The following PINX1 variants were observed in gnomAD, a reference collection of about 807,000 sequenced individuals.
The protein encoded by PINX1 is PIN2 (TERF1) interacting telomerase inhibitor 1, also known as PIN2/TERF1-interacting telomerase inhibitor 1.
In PINX1, 34 loss-of-function variants were observed where a neutral mutation model predicts 25.4. The observed-to-expected ratio is 1.34, with a 90% CI of 1.02 to 1.78. The LOEUF (loss-of-function observed/expected upper bound fraction) is 1.78. Ranked by LOEUF, PINX1 falls within the 40% of genes most tolerant of loss-of-function variation. The pLI is 0.00. For missense variants in PINX1, 592 were observed against 404.9 expected, an observed-to-expected ratio of 1.46 and a Z score of -3.97; for synonymous variants, 197 against 147.7, an observed-to-expected ratio of 1.33 and a Z score of -2.42.
intron 6 of PINX1, among the ~76,000 whole-genome samples, chr8:10,783,062 G>T (rs941545715): frequency 1.3e-5 from 2 of 152,148 alleles, no homozygotes; most frequent in African/African-American, 4.8e-5. Context: ...AGACTCCATA[G>T]ATTGCAAGAA....
chr8:10,766,759 A>G (rs746164152), intron 6 of PINX1, among the ~76,000 whole-genome samples: 3 of 152,242 alleles, frequency 2.0e-5, no homozygotes, highest in Non-Finnish European at 2.9e-5. Context: ...AATATCTGCT[A>G]TAAGAAAAAA....
chr8:10,778,675 G>A (rs1486685629), intron 6 of PINX1, among the ~76,000 whole-genome samples: 1 of 152,088 alleles, frequency 6.6e-6, no homozygotes, highest in East Asian at 1.9e-4. Flanking sequence ...CTTCAGAATG[G>A]CCCACATTTA....
chr8:10,826,523 G>C (rs747670298), intron 4 of PINX1, among the ~76,000 whole-genome samples: 2 of 152,210 alleles, frequency 1.3e-5, no homozygotes, highest in Non-Finnish European at 2.9e-5. Context: ...GGAAACTTGT[G>C]TTCACACAAA....
At chr8:10,811,378 C>G (rs1258582950) in intron 6 of PINX1, among the ~76,000 whole-genome samples, 1 of 152,172 alleles carries the variant, frequency 6.6e-6, no homozygotes, top group Non-Finnish European at 1.5e-5. Flanking sequence ...TCTACTGGCT[C>G]AGATGGTTCT....
At chr8:10,830,169 C>A (rs1186620987) in intron 4 of PINX1, among the ~76,000 whole-genome samples, 4 of 152,022 alleles carry the variant, frequency 2.6e-5, no homozygotes, top group Non-Finnish European at 5.9e-5. Flanking sequence ...AAATTATTGC[C>A]CTTCATATTA....
chr8:10,826,549 T>C (rs946320604), intron 4 of PINX1, among the ~76,000 whole-genome samples: 1 of 152,218 alleles, frequency 6.6e-6, no homozygotes, highest in Admixed American at 6.5e-5. Context: ...GACACAAATG[T>C]TCACATTAGC....
Position 10,826,384 on chromosome 8 carries a change from C to T in PINX1, c.302-140G>A, listed in dbSNP as rs1286210209. The T allele has an allele frequency of 9.0e-6, 5 of 552,992 alleles. No homozygotes were observed. In the East Asian group the frequency reaches 1.5e-4, roughly 17 times the overall value. 34.3% of individuals were successfully genotyped at this position (552,992 alleles called of 1,614,324 possible). ...ACTCTTTCATTCATTTGCTCTGCAA[C>T]AGCACCCTTCTGCTGGATCTCTGTT... On this transcript the variant is annotated intron_variant, in intron 4 of 6. Coordinates refer to ENST00000314787, the MANE Select transcript of PINX1 (RefSeq NM_017884.6).
chr8:10,814,877 C>T lies in PINX1; in HGVS notation c.471+5316G>A, dbSNP rs369902668. Among the ~76,000 whole-genome samples the T allele has an allele frequency of 1.1e-4, 16 of 152,306 alleles. 1 individual carries two copies. In the South Asian group the frequency reaches 3.1e-3, roughly 30 times the overall value. The stretch of plus-strand genomic sequence containing the variant: ...GAACAAAAATCCTCTCTAAGGTGTT[C>T]GCTAGCCAGTGTATGCCACAAATGA... On this transcript the variant is annotated intron_variant, in intron 6 of 6. Coordinates refer to ENST00000314787, the MANE Select transcript of PINX1 (RefSeq NM_017884.6).
intron 4 of PINX1, among the ~76,000 whole-genome samples, chr8:10,831,061 C>T (rs1798213303): frequency 6.6e-6 from 1 of 152,226 alleles, no homozygotes; most frequent in African/African-American, 2.4e-5. Context: ...TCCACCAACA[C>T]ATGAACTGGG....
chr8:10,798,001 A>T (rs544825727), intron 6 of PINX1, among the ~76,000 whole-genome samples: 1 of 152,366 alleles, frequency 6.6e-6, no homozygotes, highest in East Asian at 1.9e-4. Flanking sequence ...AAGTATTCTT[A>T]AAGAAAATAA....
chr8:10,821,126 T>C (rs1296159787), intron 5 of PINX1, among the ~76,000 whole-genome samples: 2 of 152,258 alleles, frequency 1.3e-5, no homozygotes, highest in African/African-American at 2.4e-5. Flanking sequence ...CTTGAGGCTC[T>C]GGGCGAGGGA....
chr8:10,800,801 T>C (rs1301169837), intron 6 of PINX1, among the ~76,000 whole-genome samples: 1 of 152,210 alleles, frequency 6.6e-6, no homozygotes, highest in South Asian at 2.1e-4. Context: ...AATGTTACAC[T>C]AGCCCCAAAT....
intron 1 of PINX1, among the ~76,000 whole-genome samples, chr8:10,838,799 T>C (rs1220320467): frequency 3.3e-5 from 5 of 152,230 alleles, no homozygotes; most frequent in African/African-American, 1.2e-4. Flanking sequence ...TGCCATTTTC[T>C]ACCTCAATGA....
chr8:10,829,284 T>C (rs934645483), intron 4 of PINX1, among the ~76,000 whole-genome samples: 23 of 54,362 alleles, frequency 4.2e-4, no homozygotes, highest in African/African-American at 3.1e-3. Flanking sequence ...AGACTCCATC[T>C]CAAAAAAAAA....
intron 5 of PINX1, among the ~76,000 whole-genome samples, chr8:10,822,328 G>C: frequency 6.6e-6 from 1 of 152,244 alleles, no homozygotes; most frequent in East Asian, 1.9e-4. Context: ...AAGCTTATTT[G>C]TTTGAGTTCT....
chr8:10,822,879 T>C (rs761179978), intron 5 of PINX1, among the ~76,000 whole-genome samples: 1 of 152,232 alleles, frequency 6.6e-6, no homozygotes, highest in African/African-American at 2.4e-5. Flanking sequence ...AAGGTTTATG[T>C]AGGTAGCTTC....
chr8:10,773,500 G>C (rs1235144563), intron 6 of PINX1, among the ~76,000 whole-genome samples: 1 of 152,196 alleles, frequency 6.6e-6, no homozygotes, highest in Non-Finnish European at 1.5e-5. Context: ...ACTCCGCTTG[G>C]AAGTTACAAA....
At chr8:10,792,135 T>C (rs754877902) in intron 6 of PINX1, among the ~76,000 whole-genome samples, 7 of 152,174 alleles carry the variant, frequency 4.6e-5, no homozygotes, top group Non-Finnish European at 7.3e-5. Context: ...ACCTAGAGAA[T>C]TATCCTCTCA....
intron 6 of PINX1, among the ~76,000 whole-genome samples, chr8:10,782,024 T>A (rs571875379): frequency 4.0e-5 from 6 of 151,250 alleles, no homozygotes; most frequent in Non-Finnish European, 7.4e-5. Flanking sequence ...AAGGAGGAGA[T>A]CCAGCCATTT....
Sources: gnomAD v4.1 joint callset for allele counts (sites outside exome capture counted in the v4.1 genomes callset) on GRCh38, gnomAD v4.1.1 for gene constraint, MANE v1.5 for transcripts, NCBI Gene and HGNC (gene_info 2026-07-23, HGNC 2026-07-21) for gene names.